The following ANKRD17 variants were observed in gnomAD, a reference collection of about 807,000 sequenced individuals.
The protein encoded by ANKRD17 is ankyrin repeat domain 17.
A neutral mutation model predicts 229.7 loss-of-function variants in ANKRD17; 19 were observed. That is an observed-to-expected ratio of 0.08 (90% CI 0.06 to 0.12). The LOEUF is 0.12. Ranked by LOEUF, ANKRD17 falls within the 10% of genes least tolerant of loss-of-function variation. The pLI is 1.00. For missense variants in ANKRD17, 2,176 were observed against 3,176.8 expected (o/e 0.68, Z 7.57); for synonymous variants, 1,112 against 1,146.1 (o/e 0.97, Z 0.60).
rs1723556383 is a variant in ANKRD17 at position 73,098,399 on chromosome 4, G to C, written c.4695C>G (p.Thr1565=). 1.2e-6 allele frequency: 2 copies of C among 1,614,086 alleles called. No homozygotes were observed. Among genetic ancestry groups the C allele is most frequent in the Non-Finnish European group, 1.7e-6 (2 of 1,180,002 alleles). ...TTTTCCTGTTTTTCCTCTTTGAACT[G>C]GTTGTAGTTATGGTATTATTTCTTT... ...HGKRNNTITT[T]SSKRKNRKNK... is the part of the protein sequence containing the mutation. Residue 1565 remains threonine (T), a synonymous_variant, in exon 26 of 34, where the codon ACC becomes ACG. Transcript: ENST00000358602.
At chr4:73,161,394 A>G (rs1479624695) in intron 2 of ANKRD17, 46 bp from the exon 3 acceptor site, 1 of 1,591,178 alleles carries the variant, frequency 6.3e-7, no homozygotes, top group East Asian at 2.2e-5. Context: ...CAAAAGGAGA[A>G]ACAAAGCAAA....
intron 25 of ANKRD17, among the ~76,000 whole-genome samples, chr4:73,100,469 AC>A (rs960784799): frequency 1.3e-4 from 20 of 151,596 alleles, no homozygotes; most frequent in East Asian, 5.8e-4. Context: ...AAAAAAAAAA[AC>A]ATATATATAT....
In ANKRD17 at chr4:73,098,497, G is replaced by A; in HGVS notation, c.4597C>T (p.Pro1533Ser). Residue 1533 changes from proline to serine, a missense_variant, in exon 26 of 34, where the codon CCT becomes TCT. Pro to Ser is a moderately conservative substitution (Grantham distance 74, BLOSUM62 -1). Transcript: ENST00000358602. ...VEDEPEVLTE[P>S]PSATTTTTIG... The stretch of plus-strand genomic sequence containing the variant: ...GTAGTAGTGGTTGTGGCACTTGGAG[G>A]TTCTGTCAAGACTTCAGGCTCATCT... 5 of 1,613,146 alleles carry A rather than the reference G, an allele frequency of 3.1e-6. No individual in the cohort carries two copies. The highest frequency in any genetic ancestry group is 4.2e-6 in the Non-Finnish European group (5 of 1,179,778).
chr4:73,187,991 A>G (rs1489980769), intron 1 of ANKRD17, among the ~76,000 whole-genome samples: 1 of 152,210 alleles, frequency 6.6e-6, no homozygotes, highest in African/African-American at 2.4e-5. Context: ...TATATTTCAT[A>G]GTGAACTAGA....
intron 27 of ANKRD17, 128 bp from the exon 28 acceptor site, chr4:73,094,356 C>T (rs776681473): frequency 7.4e-6 from 6 of 815,112 alleles, no homozygotes; most frequent in Non-Finnish European, 1.1e-5. Flanking sequence ...TAAGCCTCTT[C>T]TATTTACTCT....
Position 73,258,308 on chromosome 4 carries a change from C to T in ANKRD17, c.361G>A (p.Asp121Asn), listed in dbSNP as rs1253607840. The change falls in exon 1 of 34, where the codon GAC becomes AAC. Residue 121 changes from aspartate to asparagine, a missense_variant. Physicochemically the swap from Asp to Asn is conservative, Grantham distance 23. Around this residue, in one of 18 missense-constraint regions of ANKRD17, gnomAD observed 196 missense variants for 190.0 expected, o/e 1.03. Transcript: ENST00000358602. ...TSSNNSEEEEDDDDEEEEVSE... is the reference protein window; with the variant it reads ...TSSNNSEEEENDDDEEEEVSE... ...ACCTCCTCTTCCTCGTCGTCGTCGT[C>T]CTCTTCTTCCTCGCTGTTGTTACTG... 3.1e-6 allele frequency: 5 copies of T among 1,613,718 alleles called. No individual in the cohort carries two copies. The highest frequency in any genetic ancestry group is 1.3e-5 in the African/African-American group (1 of 74,920).
chr4:73,226,002 G>C (rs1742449732), intron 1 of ANKRD17, among the ~76,000 whole-genome samples: 1 of 125,456 alleles, frequency 8.0e-6, no homozygotes, highest in Admixed American at 8.6e-5. Flanking sequence ...TTGAGGCGGA[G>C]TCTCGCTCTG....
intron 1 of ANKRD17, among the ~76,000 whole-genome samples, chr4:73,250,606 AAAAAAAAAACAG>A (rs1744920417): frequency 6.7e-6 from 1 of 149,018 alleles, no homozygotes; most frequent in African/African-American, 2.5e-5. Context: ...AAAAAAAAAA[AAAAAAAAAACAG>A]AAAAAAAGAG....
chr4:73,223,140 A>C (rs1742081774), intron 1 of ANKRD17: 1 of 1,208,854 alleles, frequency 8.3e-7, no homozygotes, highest in East Asian at 2.6e-5. Flanking sequence ...TACATGCCTA[A>C]AGCAGCTTAG....
intron 1 of ANKRD17, among the ~76,000 whole-genome samples, chr4:73,203,726 T>C (rs577549088): frequency 8.3e-6 from 1 of 121,000 alleles, no homozygotes; most frequent in East Asian, 2.5e-4. Flanking sequence ...GCCACTGCAC[T>C]CCAGCCTGGG....
intron 1 of ANKRD17, among the ~76,000 whole-genome samples, chr4:73,232,538 T>C (rs1560767982): frequency 2.0e-5 from 3 of 152,178 alleles, no homozygotes; most frequent in South Asian, 4.1e-4. Context: ...AAGAAAGAAT[T>C]AGGCATCTTA....
rs1274148174 is a variant in ANKRD17, at chr4:73,091,978, C to T, written c.5650G>A (p.Ala1884Thr). ...TGTGCAAACTGTGGAGGAGGATATG[C>T]TAATGGAAGAGAAACTGGAAAACCA... Reference protein sequence around the residue: ...RPGFPVSLPLAYPPPQFAHAL... With the variant: ...RPGFPVSLPLTYPPPQFAHAL... Residue 1884 changes from alanine to threonine, a missense_variant, in exon 29 of 34, where the codon GCA (alanine) becomes ACA (threonine). Transcript: ENST00000358602. The T allele has an allele frequency of 6.2e-7, 1 of 1,614,114 alleles. No homozygotes were observed. The highest frequency in any genetic ancestry group is 8.5e-7 in the Non-Finnish European group (1 of 1,180,032).
intron 1 of ANKRD17, among the ~76,000 whole-genome samples, chr4:73,205,260 G>C (rs1284330916): frequency 6.6e-6 from 1 of 152,170 alleles, no homozygotes; most frequent in Non-Finnish European, 1.5e-5. Flanking sequence ...CCAGGCTACA[G>C]TGAGCCATGG....
chr4:73,122,365 T>C (rs1726857662), intron 18 of ANKRD17, among the ~76,000 whole-genome samples: 1 of 152,168 alleles, frequency 6.6e-6, no homozygotes, highest in Non-Finnish European at 1.5e-5. Flanking sequence ...TGAGTTCTAG[T>C]AGCATGAGTC....
chr4:73,208,605 G>C (rs1739827036), intron 1 of ANKRD17, among the ~76,000 whole-genome samples: 1 of 152,192 alleles, frequency 6.6e-6, no homozygotes, highest in South Asian at 2.1e-4. Context: ...AGAGAATAGA[G>C]TGACTAACAG....
chr4:73,200,516 G>C (rs1421044327), intron 1 of ANKRD17, among the ~76,000 whole-genome samples: 2 of 151,790 alleles, frequency 1.3e-5, no homozygotes, highest in African/African-American at 4.8e-5. Context: ...CTGGGCATAG[G>C]GATTTTTTAT....
At chr4:73,195,247 C>T (rs1254723448) in intron 1 of ANKRD17, among the ~76,000 whole-genome samples, 1 of 152,084 alleles carries the variant, frequency 6.6e-6, no homozygotes, top group Admixed American at 6.6e-5. Flanking sequence ...ATCTTGTTTA[C>T]ATATTGTTGG....
chr4:73,159,917 A>G (rs897365565), intron 3 of ANKRD17, among the ~76,000 whole-genome samples: 7 of 152,200 alleles, frequency 4.6e-5, no homozygotes, highest in Non-Finnish European at 1.0e-4. Flanking sequence ...CAAGAGAAAC[A>G]GCAAATTCAT....
At chr4:73,085,990 C>T (rs993983615) in intron 29 of ANKRD17, among the ~76,000 whole-genome samples, 18 of 151,948 alleles carry the variant, frequency 1.2e-4, no homozygotes, top group Non-Finnish European at 2.4e-4. Context: ...GACCCTGTCT[C>T]ACACACACAA....
Sources: allele counts gnomAD v4.1 joint callset (sites outside exome capture counted in the v4.1 genomes callset), GRCh38; gene constraint gnomAD v4.1.1; regional missense constraint gnomAD v4.1.1; transcripts MANE v1.5; gene names NCBI Gene and HGNC (gene_info 2026-07-23, HGNC 2026-07-21).